MYH2: variants seen among roughly 807,000 people sequenced by gnomAD.
MYH2 encodes the protein myosin heavy chain 2.
Under a neutral mutation model 228.1 loss-of-function variants are expected in MYH2, and 139 were observed. That is an observed-to-expected ratio of 0.61 (90% confidence interval 0.53 to 0.70). The LOEUF is 0.70. Among genes scored for constraint, MYH2 ranks in the 30% least tolerant of loss-of-function variants. MYH2 has a pLI of 0.00. For synonymous variants in MYH2, 796 were observed against 871.1 expected, an observed-to-expected ratio of 0.91 and a Z score of 1.52; for missense variants, 1,809 against 2,357.5, an observed-to-expected ratio of 0.77 and a Z score of 4.82.
chr17:10,542,819 G>T, intron 10 of MYH2, 56 bp downstream of exon 10: 1 of 1,185,888 alleles, frequency 8.4e-7, no homozygotes, highest in Non-Finnish European at 1.2e-6. Context: ...AGGTTGGACT[G>T]TGCATTGATA....
In MYH2 at chr17:10,521,242, G is replaced by T. The variant is rs1567725467; in HGVS notation, c.*38C>A. 3.7e-6 allele frequency: 6 copies of T among 1,608,826 alleles called. No individual in the cohort carries two copies. Among genetic ancestry groups the T allele is most frequent in the Non-Finnish European group, 5.1e-6 (6 of 1,176,850 alleles). On this transcript the variant is annotated 3_prime_UTR_variant, in exon 40 of 40. Transcript: ENST00000245503. ...GAAATGACCAAAGATGTCACATTTT[G>T]TGCCTGTCTTCAGTCATTCCATGGC...
intron 22 of MYH2, among the ~76,000 whole-genome samples, chr17:10,530,675 C>G (rs2073414176): frequency 6.6e-6 from 1 of 152,080 alleles, no homozygotes; most frequent in Admixed American, 6.5e-5. Flanking sequence ...GAAGGAGACA[C>G]TGGAATATAT....
At chr17:10,526,525 A>C in intron 30 of MYH2, 74 bp downstream of exon 30, 1 of 1,600,474 alleles carries the variant, frequency 6.2e-7, no homozygotes, top group Non-Finnish European at 8.6e-7. Flanking sequence ...TAATTCACTG[A>C]ATCTTCAAAG....
At chr17:10,534,775 G>T (rs2073463551) in intron 19 of MYH2, among the ~76,000 whole-genome samples, 1 of 152,146 alleles carries the variant, frequency 6.6e-6, no homozygotes, top group South Asian at 2.1e-4. Context: ...AAATTAGCTG[G>T]GCGTGGTGGC....
Position 10,524,949 on chromosome 17 carries a change from C to T in MYH2, c.4779G>A (p.Lys1593=). The change falls in exon 34 of 40, where the codon AAG becomes AAA. Residue 1593 remains lysine, a synonymous_variant. Transcript: ENST00000245503. This position sits in a 1 kb window ranked among gnomAD's most constrained non-coding sequence, Gnocchi z 4.7. The part of the protein sequence containing the change: ...AEKDEEIDQL[K]RNHIRIVESM... ...ACTCCACGATTCTAATGTGGTTTCT[C>T]TTCAGCTGGTCAATTTCCTCATCTT... 1 of 1,614,114 alleles carries T rather than the reference C, an allele frequency of 6.2e-7. No homozygotes were observed. Among genetic ancestry groups the T allele is most frequent in the African/African-American group, 1.3e-5 (1 of 75,008 alleles).
chr17:10,536,490 C>A, intron 17 of MYH2, 40 bp downstream of exon 17: 1 of 1,575,826 alleles, frequency 6.3e-7, no homozygotes, highest in Non-Finnish European at 8.7e-7. Flanking sequence ...AAAAAAATCC[C>A]AAAGTAATTG....
Position 10,523,772 on chromosome 17 carries a change from T to G in MYH2, c.5288A>C (p.Lys1763Thr). 1 of 1,614,174 alleles carries G rather than the reference T, an allele frequency of 6.2e-7. No homozygotes were observed. Among genetic ancestry groups the G allele is most frequent in the Non-Finnish European group, 8.5e-7 (1 of 1,179,970 alleles). The change falls in exon 36 of 40, where the codon AAG (lysine) becomes ACG (threonine). Residue 1763 changes from lysine to threonine, a missense_variant. Lys to Thr is a moderately conservative substitution (Grantham distance 78). Transcript: ENST00000245503. ...EARNAEEKAK[K>T]AITDAAMMAE... ...CCTGCCACTCACATCAGTGATGGCC[T>G]TCTTGGCCTTTTCTTCTGCATTGCG...
intron 19 of MYH2, among the ~76,000 whole-genome samples, chr17:10,534,276 G>C (rs1014992081): frequency 1.3e-5 from 2 of 152,168 alleles, no homozygotes; most frequent in Admixed American, 1.3e-4. Flanking sequence ...TAATATGTGG[G>C]AGAAAAAGAC....
chr17:10,526,575 A>C, intron 30 of MYH2, 24 bp downstream of exon 30: 1 of 1,613,528 alleles, frequency 6.2e-7, no homozygotes, highest in East Asian at 2.2e-5. Context: ...TTTTCTGCTC[A>C]TTCTCTCATA....
intron 14 of MYH2, among the ~76,000 whole-genome samples, 177 bp downstream of exon 14, chr17:10,539,028 T>C (rs893082744): frequency 1.3e-5 from 2 of 152,216 alleles, no homozygotes; most frequent in East Asian, 1.9e-4. Flanking sequence ...ATTAAGTGCA[T>C]TGTTGTTTTT....
rs1456388384 is a variant in MYH2, at chr17:10,526,638, G to A, written c.4148C>T (p.Thr1383Met). ...CTCCTCTGTGCGCTGGATGGCGTCC[G>A]TCTCGTATTTGGTCCTCCATTGGGC... is the stretch of plus-strand genomic sequence containing the variant. ...EVAQWRTKYE[T>M]DAIQRTEELE... is the part of the protein sequence containing the mutation. The change falls in exon 30 of 40, where the codon ACG (threonine) becomes ATG (methionine). Residue 1383 changes from threonine to methionine, a missense_variant. By Grantham distance (81) the Thr-to-Met change is moderately conservative. Coordinates refer to ENST00000245503, the MANE Select transcript of MYH2 (RefSeq NM_017534.6). 6.2e-6 allele frequency: 10 copies of A among 1,613,978 alleles called. No homozygotes were observed. Among genetic ancestry groups the A allele is most frequent in the East Asian group, 2.2e-5 (1 of 44,876 alleles).
rs1360355281 is a variant in MYH2, at chr17:10,547,872, G to A, written c.49C>T (p.Leu17Phe). The change falls in exon 3 of 40, where the codon CTC (leucine) becomes TTC (phenylalanine). Residue 17 changes from leucine to phenylalanine, a missense_variant. Leu to Phe is a conservative substitution (Grantham distance 22, BLOSUM62 0). Around this residue, in one of 9 missense-constraint regions of MYH2, gnomAD observed 84 missense variants for 81.8 expected, o/e 1.03. Coordinates refer to ENST00000245503, the MANE Select transcript of MYH2 (RefSeq NM_017534.6). ...ATGCGCTCCCTTTCAGACTTTCGGA[G>A]GAAAGGAGCAGCCTCCCCAAAAACA... ...LAVFGEAAPF[L>F]RKSERERIEA... The A allele has an allele frequency of 8.1e-6, 13 of 1,614,162 alleles. No individual in the cohort carries two copies. The highest frequency in any genetic ancestry group is 1.0e-5 in the Non-Finnish European group (12 of 1,180,030).
Position 10,521,528 on chromosome 17 carries a change from C to A in MYH2, c.5674-96G>T, listed in dbSNP as rs534926597. On this transcript the variant is annotated intron_variant, in intron 39 of 39. Coordinates refer to ENST00000245503, the MANE Select transcript of MYH2 (RefSeq NM_017534.6). Reference sequence around the variant, plus strand: ...AAAGGACTTGGCATCTATGGAGAAGCAACATCTAGGGATTATCATTGAAAT... The same window carrying A: ...AAAGGACTTGGCATCTATGGAGAAGAAACATCTAGGGATTATCATTGAAAT... 1,446 of 1,176,104 alleles carry A rather than the reference C, an allele frequency of 1.2e-3. 1 individual carries two copies. Among genetic ancestry groups the A allele is most frequent in the Non-Finnish European group, 1.6e-3 (1,284 of 792,338 alleles). 72.9% of individuals were successfully genotyped at this position (1,176,104 alleles called of 1,614,324 possible). A position where few individuals can be genotyped will look rare whatever the true frequency, so the allele number is the denominator to read the frequency against.
rs142445057 is a variant in MYH2, at chr17:10,521,813, T to A, written c.5674-381A>T. Among the ~76,000 whole-genome samples the A allele has an allele frequency of 4.2e-3, 643 of 152,194 alleles. 4 individuals are homozygous for A. The highest frequency in any genetic ancestry group is 0.015 in the African/African-American group (607 of 41,552). ...TCATATTAAGAATGAACTTATTAAG[T>A]TTTTAAAAATTGAAATAAATATTGG... On this transcript the variant is annotated intron_variant, in intron 39 of 39. Transcript: ENST00000245503.
At position 10,523,544 on chromosome 17, in the gene MYH2, C is replaced by T; in HGVS notation, c.5424G>A (p.Gln1808=). The T allele has an allele frequency of 6.2e-7, 1 of 1,614,244 alleles. No homozygotes were observed. The highest frequency in any genetic ancestry group is 8.5e-7 in the Non-Finnish European group (1 of 1,180,046). ...DLQLRLDEAE[Q]LALKGGKKQI... ...GCTTCTTCCCACCCTTCAGGGCCAGCTGCTCAGCCTCATCCAGACGGAGCT... is the reference window on the plus strand; with the variant it reads ...GCTTCTTCCCACCCTTCAGGGCCAGTTGCTCAGCCTCATCCAGACGGAGCT... The change falls in exon 37 of 40, where the codon CAG becomes CAA. Residue 1808 remains glutamine, a synonymous_variant. Transcript: ENST00000245503.
chr17:10,525,472 G>A lies in MYH2; in HGVS notation c.4516C>T (p.Arg1506Ter). The change falls in exon 32 of 40, where the codon CGA becomes TGA. Residue 1506 changes from arginine (R) to a stop codon, truncating the protein, a stop_gained. Transcript: ENST00000245503. LOFTEE classifies it high-confidence loss of function. This position sits in a 1 kb window ranked among gnomAD's most constrained non-coding sequence, Gnocchi z 4.2. ...TTACGCTGTAAGTTTTTGTTCTCTC[G>A]CTTCAGGGTTTCTAGCTGATCCAAA... is the stretch of plus-strand genomic sequence containing the variant. ...ESLDQLETLK[R>*]ENKNLQQEIS... is the part of the protein sequence containing the mutation. 1 of 1,614,076 alleles carries A rather than the reference G, an allele frequency of 6.2e-7. No individual in the cohort carries two copies. The highest frequency in any genetic ancestry group is 8.5e-7 in the Non-Finnish European group (1 of 1,180,010).
chr17:10,547,367 T>A lies in MYH2; in HGVS notation c.348+108A>T, dbSNP rs1046607587. 5.7e-6 allele frequency: 8 copies of A among 1,401,856 alleles called. No individual in the cohort carries two copies. In the African/African-American group the frequency reaches 1.1e-4, roughly 20 times the overall value. The allele number at this position is 1,401,856 out of a possible 1,614,324, so 86.8% of individuals were successfully genotyped here. On this transcript the variant is annotated intron_variant, in intron 4 of 39. Transcript: ENST00000245503. ...AGCCTTTTAACTAGTTATGCTGCAATGAAAGTGAAATGGGTCACTACCTGT... is the reference window on the plus strand; with the variant it reads ...AGCCTTTTAACTAGTTATGCTGCAAAGAAAGTGAAATGGGTCACTACCTGT...
Position 10,523,333 on chromosome 17 carries a change from C to T in MYH2, c.5552G>A (p.Arg1851Lys). ...CTGGTAAGTGAGTTCCTTCACTCGC[C>T]TCTCATGTTTGCGCAGACCTTTGAC... ...EAVKGLRKHE[R>K]RVKELTYQTE... Residue 1851 changes from arginine to lysine, a missense_variant, in exon 38 of 40, where the codon AGG becomes AAG. By Grantham distance (26) the Arg-to-Lys change is conservative (BLOSUM62 2). Around this residue, in one of 9 missense-constraint regions of MYH2, gnomAD observed 278 missense variants for 308.5 expected, o/e 0.90. Transcript: ENST00000245503. 1 of 1,614,198 alleles carries T rather than the reference C, an allele frequency of 6.2e-7. No homozygotes were observed. Among genetic ancestry groups the T allele is most frequent in the Non-Finnish European group, 8.5e-7 (1 of 1,180,028 alleles).
At position 10,528,148 on chromosome 17, in the gene MYH2, A is replaced by G. The variant is rs12952878; in HGVS notation, c.3745-274T>C. On this transcript the variant is annotated intron_variant, in intron 27 of 39. Transcript: ENST00000245503. ...AACCTCCGCCTCCCGGGTTCAAGCGATTCTCCTGCCTCAGCCTCCTGAATA... is the reference window on the plus strand; with the variant it reads ...AACCTCCGCCTCCCGGGTTCAAGCGGTTCTCCTGCCTCAGCCTCCTGAATA... 0.41 allele frequency among the ~76,000 whole-genome samples: 61,940 copies of G among 149,852 alleles called. 13,660 individuals are homozygous for G. The highest frequency in any genetic ancestry group is 0.83 in the East Asian group (4,196 of 5,042).
Sources: gnomAD v4.1 joint callset for allele counts (sites outside exome capture counted in the v4.1 genomes callset) on GRCh38, gnomAD v4.1.1 for gene constraint, gnomAD v4.1.1 regional missense constraint, Gnocchi (gnomAD v3.1) non-coding constraint, MANE v1.5 for transcripts, NCBI Gene and HGNC (gene_info 2026-07-23, HGNC 2026-07-21) for gene names.